Variants in PALM2AKAP2 observed in about 807,000 individuals in gnomAD.
The protein encoded by PALM2AKAP2 is PALM2 and AKAP2 fusion.
In PALM2AKAP2, 37 loss-of-function variants were observed where a neutral mutation model predicts 71.5. That is an observed-to-expected ratio of 0.52 (90% CI 0.40 to 0.68). The LOEUF is 0.68. PALM2AKAP2 is among the 30% of genes least tolerant of loss of function. The probability of loss-of-function intolerance (pLI) is 0.00; values close to 1 mark genes in which losing one functional copy is unlikely to be tolerated. For missense variants in PALM2AKAP2, 1,224 were observed against 1,191.8 expected (o/e 1.03, Z -0.40); for synonymous variants, 468 against 478.8 (o/e 0.98, Z 0.29).
At chr9:109,962,297 TATC>T (rs1188660492) in intron 6 of PALM2AKAP2, among the ~76,000 whole-genome samples, 10 of 152,212 alleles carry the variant, frequency 6.6e-5, no homozygotes, top group Non-Finnish European at 1.5e-4. Context: ...GTAAGAATAG[TATC>T]AGCAGCTTTG....
At chr9:109,717,205 C>G (rs906057176) in intron 1 of PALM2AKAP2, among the ~76,000 whole-genome samples, 2 of 152,102 alleles carry the variant, frequency 1.3e-5, no homozygotes, top group Non-Finnish European at 2.9e-5. Flanking sequence ...ATGAGGACAC[C>G]AGCTTAAAGC....
intron 1 of PALM2AKAP2, among the ~76,000 whole-genome samples, chr9:109,677,109 T>G (rs1222068657): frequency 6.6e-6 from 1 of 152,086 alleles, no homozygotes; most frequent in Non-Finnish European, 1.5e-5. Context: ...CAAGGGAGGT[T>G]TTTATTGTTT....
chr9:110,032,728 AAAT>A (rs1833306126), intron 7 of PALM2AKAP2, among the ~76,000 whole-genome samples: 1 of 143,498 alleles, frequency 7.0e-6, no homozygotes, highest in African/African-American at 2.6e-5. Context: ...ATAAATAAAT[AAAT>A]AAATAAATAA....
rs887857225 is a variant in PALM2AKAP2 at position 109,675,236 on chromosome 9, T to C, written c.5+34370T>C. 4.6e-5 allele frequency among the ~76,000 whole-genome samples: 7 copies of C among 152,142 alleles called. No homozygotes were observed. The East Asian group carries it at 9.6e-4, about 21-fold the overall frequency. On this transcript the variant is annotated intron_variant, in intron 1 of 6. Coordinates refer to the PALM2AKAP2 transcript ENST00000374531. Reference sequence around the variant, plus strand: ...TTTTCTGACCCAAATAGAAAACTTATCATGTTCAAATTTGGTGGGTGAATG... The same window carrying C: ...TTTTCTGACCCAAATAGAAAACTTACCATGTTCAAATTTGGTGGGTGAATG...
intron 1 of PALM2AKAP2, among the ~76,000 whole-genome samples, chr9:109,654,440 A>G (rs1038044511): frequency 5.9e-5 from 9 of 152,228 alleles, no homozygotes; most frequent in Admixed American, 6.5e-5. Flanking sequence ...TTATAAAGAC[A>G]ATGCATATTT....
At chr9:109,934,828 C>T (rs1199631854) in intron 6 of PALM2AKAP2, among the ~76,000 whole-genome samples, 1 of 152,248 alleles carries the variant, frequency 6.6e-6, no homozygotes, top group Non-Finnish European at 1.5e-5. Flanking sequence ...ACATATACTA[C>T]TTCACCTGTT....
chr9:110,063,048 A>G (rs1261087808), intron 1 of PALM2AKAP2, among the ~76,000 whole-genome samples: 3 of 151,938 alleles, frequency 2.0e-5, no homozygotes, highest in Non-Finnish European at 4.4e-5. Context: ...CCCCTACCCC[A>G]TTTTGTCTGT....
At chr9:109,775,902 CT>C (rs1409087966), upstream of PALM2AKAP2, among the ~76,000 whole-genome samples, 2 of 152,216 alleles carry the variant, frequency 1.3e-5, no homozygotes, top group Non-Finnish European at 2.9e-5. Context: ...ATCTAGCATT[CT>C]GTATCCTTTT....
At chr9:109,888,152 C>A (rs574800367) in intron 3 of PALM2AKAP2, among the ~76,000 whole-genome samples, 1 of 152,256 alleles carries the variant, frequency 6.6e-6, no homozygotes, top group Admixed American at 6.5e-5. Context: ...TAAACCTCTG[C>A]GGGAAACAGT....
At chr9:109,867,661 C>A in intron 2 of PALM2AKAP2, 90 bp downstream of exon 2, 1 of 1,431,350 alleles carries the variant, frequency 7.0e-7, no homozygotes. Flanking sequence ...GCCGTGAAGG[C>A]GCTGCCGCCA....
At chr9:109,680,190 T>C (rs930118423) in intron 1 of PALM2AKAP2, among the ~76,000 whole-genome samples, 1 of 152,196 alleles carries the variant, frequency 6.6e-6, no homozygotes, top group Non-Finnish European at 1.5e-5. Flanking sequence ...CTAGGATATA[T>C]ATGGTTTGGT....
At chr9:109,965,414 A>T (rs1831928883) in intron 6 of PALM2AKAP2, among the ~76,000 whole-genome samples, 1 of 152,268 alleles carries the variant, frequency 6.6e-6, no homozygotes, top group Non-Finnish European at 1.5e-5. Context: ...CATAAAAGGA[A>T]TGAAATTTTG....
At chr9:109,702,549 A>T (rs936313850) in intron 1 of PALM2AKAP2, among the ~76,000 whole-genome samples, 59 of 150,330 alleles carry the variant, frequency 3.9e-4, no homozygotes, top group Non-Finnish European at 6.2e-4. Flanking sequence ...CAATGAGAAC[A>T]CATGGACACA....
chr9:110,055,242 C>T (rs1833809676), intron 1 of PALM2AKAP2, among the ~76,000 whole-genome samples: 1 of 151,928 alleles, frequency 6.6e-6, no homozygotes, highest in South Asian at 2.1e-4. Context: ...GTTGCCCAGG[C>T]TGGAGTGCAG....
chr9:109,928,575 T>G (rs1831009402), intron 5 of PALM2AKAP2, among the ~76,000 whole-genome samples: 1 of 152,186 alleles, frequency 6.6e-6, no homozygotes, highest in African/African-American at 2.4e-5. Context: ...ACTTCCTGTC[T>G]ATATAACCTT....
intron 1 of PALM2AKAP2, among the ~76,000 whole-genome samples, chr9:110,117,983 G>T (rs957329189): frequency 1.1e-4 from 16 of 150,612 alleles, no homozygotes; most frequent in African/African-American, 3.7e-4. Flanking sequence ...TTGTGTGTGT[G>T]TGTGTGTGTG....
At chr9:109,651,155 C>T (rs997435131) in intron 1 of PALM2AKAP2, among the ~76,000 whole-genome samples, 1 of 152,136 alleles carries the variant, frequency 6.6e-6, no homozygotes, top group African/African-American at 2.4e-5. Flanking sequence ...CTTTGACTTC[C>T]TGTTGAGTTG....
chr9:109,713,597 CA>C (rs1227841590), intron 1 of PALM2AKAP2, among the ~76,000 whole-genome samples: 1 of 152,078 alleles, frequency 6.6e-6, no homozygotes, highest in Non-Finnish European at 1.5e-5. Context: ...TGTTGAAAAT[CA>C]AATGAGTTTC....
chr9:109,975,852 G>A (rs1832163218), intron 6 of PALM2AKAP2, among the ~76,000 whole-genome samples: 1 of 152,196 alleles, frequency 6.6e-6, no homozygotes, highest in Non-Finnish European at 1.5e-5. Flanking sequence ...GAACCACGGG[G>A]CCTGTGCATT....
Sources: gnomAD v4.1 joint callset for allele counts (sites outside exome capture counted in the v4.1 genomes callset) on GRCh38, gnomAD v4.1.1 for gene constraint, MANE v1.5 for transcripts, NCBI Gene and HGNC (gene_info 2026-07-23, HGNC 2026-07-21) for gene names.